ZNF521: variants seen among roughly 807,000 people sequenced by gnomAD.
ZNF521 encodes the protein zinc finger protein 521.
In ZNF521, 14 loss-of-function variants were observed where a neutral mutation model predicts 105.5. The ratio of observed to expected loss-of-function variants is 0.13; its 90% CI spans 0.09 to 0.21. The LOEUF is 0.21. ZNF521 is among the 10% of genes least tolerant of loss of function. The probability of loss-of-function intolerance (pLI) is 1.00; values close to 1 mark genes in which losing one functional copy is unlikely to be tolerated. For missense variants in ZNF521, 1,233 were observed against 1,629.7 expected, an observed-to-expected ratio of 0.76 and a Z score of 4.19; for synonymous variants, 635 against 606.0, an observed-to-expected ratio of 1.05 and a Z score of -0.70.
At position 25,234,281 on chromosome 18, in the gene ZNF521, T is replaced by C. The variant is rs540706209; in HGVS notation, c.221-6584A>G. 1.6e-3 allele frequency among the ~76,000 whole-genome samples: 241 copies of C among 152,328 alleles called. 1 individual carries two copies. Among genetic ancestry groups the C allele is most frequent in the African/African-American group, 5.6e-3 (233 of 41,572 alleles). ...TAAACCGTTTAACATGTTGATCTTT[T>C]CTTGAATAATGACAGACGTCACCAG... is the stretch of plus-strand genomic sequence containing the variant. On this transcript the variant is annotated intron_variant, in intron 3 of 7. Coordinates refer to ENST00000361524, the MANE Select transcript of ZNF521 (RefSeq NM_015461.3).
intron 5 of ZNF521, among the ~76,000 whole-genome samples, chr18:25,108,788 C>G (rs2034125122): frequency 6.6e-6 from 1 of 151,974 alleles, no homozygotes; most frequent in African/African-American, 2.4e-5. Flanking sequence ...CCATGCCCAG[C>G]TAATTTTTAT....
chr18:25,247,099 T>C (rs1273408229), intron 3 of ZNF521, among the ~76,000 whole-genome samples: 2 of 152,210 alleles, frequency 1.3e-5, no homozygotes, highest in African/African-American at 4.8e-5. Context: ...GACCCATTTA[T>C]GGATGAGACC....
At chr18:25,234,239 C>G (rs779285623) in intron 3 of ZNF521, among the ~76,000 whole-genome samples, 11 of 152,114 alleles carry the variant, frequency 7.2e-5, no homozygotes, top group African/African-American at 1.2e-4. Context: ...TTTACAGTGC[C>G]GTGACTGAGG....
intron 2 of ZNF521, among the ~76,000 whole-genome samples, chr18:25,347,817 A>G (rs1914527834): frequency 6.6e-6 from 1 of 152,216 alleles, no homozygotes; most frequent in Admixed American, 6.5e-5. Flanking sequence ...CCTTAGGTAA[A>G]TGACTTTCCT....
At chr18:25,223,507 G>A (rs567879690) in intron 4 of ZNF521, among the ~76,000 whole-genome samples, 3 of 152,060 alleles carry the variant, frequency 2.0e-5, no homozygotes, top group African/African-American at 7.3e-5. Flanking sequence ...CCAGATAGGG[G>A]CAGGTAGGGA....
intron 7 of ZNF521, among the ~76,000 whole-genome samples, chr18:25,070,600 C>T (rs2033194506): frequency 1.3e-5 from 2 of 152,184 alleles, no homozygotes; most frequent in African/African-American, 4.8e-5. Flanking sequence ...CCAACCTCAG[C>T]ACTACTGACA....
intron 2 of ZNF521, among the ~76,000 whole-genome samples, chr18:25,331,984 G>T (rs1424026041): frequency 2.1e-5 from 3 of 146,132 alleles, no homozygotes; most frequent in African/African-American, 7.6e-5. Flanking sequence ...TCTAAAGTTT[G>T]CCAAAATTAA....
chr18:25,212,565 A>ATG lies in ZNF521; in HGVS notation c.3573+11778_3573+11779dup, dbSNP rs1555647942. ...TATATATATATATATATATATATAT[A>ATG]TGTATAGAAACATATATTTTAAAAC... On this transcript the variant is annotated intron_variant, in intron 4 of 7. Coordinates refer to ENST00000361524, the MANE Select transcript of ZNF521 (RefSeq NM_015461.3). Among the ~76,000 whole-genome samples, 126 of 112,872 alleles carry ATG rather than the reference A, an allele frequency of 1.1e-3. 5 individuals are homozygous for ATG. Among genetic ancestry groups the ATG allele is most frequent in the East Asian group, 8.5e-3 (31 of 3,638 alleles). 74.0% of individuals were successfully genotyped at this position (112,872 alleles called of 152,430 possible).
intron 3 of ZNF521, among the ~76,000 whole-genome samples, chr18:25,312,014 TC>T (rs1912336459): frequency 6.6e-6 from 1 of 152,186 alleles, no homozygotes; most frequent in Non-Finnish European, 1.5e-5. Flanking sequence ...ATTTTCTATT[TC>T]TAGGAGATTA....
intron 5 of ZNF521, among the ~76,000 whole-genome samples, chr18:25,193,499 G>A (rs1391516593): frequency 6.6e-6 from 1 of 151,970 alleles, no homozygotes; most frequent in African/African-American, 2.4e-5. Context: ...ATCTAAAAGT[G>A]CAGCATGAGG....
chr18:25,168,566 A>T (rs1206915828), intron 5 of ZNF521, among the ~76,000 whole-genome samples: 1 of 152,170 alleles, frequency 6.6e-6, no homozygotes, highest in African/African-American at 2.4e-5. Context: ...CAAAACCTTG[A>T]TTTTAAATAT....
Position 25,117,074 on chromosome 18 carries a change from C to T in ZNF521, c.3659-24993G>A, listed in dbSNP as rs1428439437. On this transcript the variant is annotated intron_variant, in intron 5 of 7. Coordinates refer to ENST00000361524, the MANE Select transcript of ZNF521 (RefSeq NM_015461.3). ...ATATATACACACACACACACACACA[C>T]ACACACACATACACACATCCTTAAT... Among the ~76,000 whole-genome samples the T allele has an allele frequency of 1.5e-3, 25 of 16,854 alleles. No individual in the cohort carries two copies. The South Asian group carries it at 0.021, about 14-fold the overall frequency. The allele number at this position is 16,854 out of a possible 152,430, so 11.1% of individuals were successfully genotyped here. A position where few individuals can be genotyped will look rare whatever the true frequency, so the allele number is the denominator to read the frequency against.
chr18:25,124,261 C>T (rs919300296), intron 5 of ZNF521, among the ~76,000 whole-genome samples: 32 of 152,198 alleles, frequency 2.1e-4, no homozygotes, highest in African/African-American at 7.5e-4. Flanking sequence ...TGAAGAGATA[C>T]AGGATGAGGA....
chr18:25,154,716 A>T (rs184236513), intron 5 of ZNF521, among the ~76,000 whole-genome samples: 2 of 152,330 alleles, frequency 1.3e-5, no homozygotes, highest in African/African-American at 4.8e-5. Flanking sequence ...TGATAAACTC[A>T]GAGAAGGGTG....
chr18:25,270,079 A>C (rs1333117490), intron 3 of ZNF521, among the ~76,000 whole-genome samples: 1 of 152,220 alleles, frequency 6.6e-6, no homozygotes, highest in Non-Finnish European at 1.5e-5. Flanking sequence ...AAATTGACAC[A>C]ATAAAAAACG....
chr18:25,066,518 C>A (rs143089200), intron 7 of ZNF521, among the ~76,000 whole-genome samples: 64 of 152,270 alleles, frequency 4.2e-4, no homozygotes, highest in Non-Finnish European at 7.6e-4. Context: ...AGTCTCTGGT[C>A]TCGACTAAAG....
At chr18:25,069,967 G>C (rs1489718653) in intron 7 of ZNF521, among the ~76,000 whole-genome samples, 2 of 152,096 alleles carry the variant, frequency 1.3e-5, no homozygotes, top group Non-Finnish European at 2.9e-5. Flanking sequence ...TCATCACCAT[G>C]AACTTACAGA....
intron 5 of ZNF521, among the ~76,000 whole-genome samples, chr18:25,184,819 C>T (rs922332729): frequency 2.0e-5 from 3 of 152,172 alleles, no homozygotes; most frequent in Admixed American, 2.0e-4. Flanking sequence ...GACACAGGTA[C>T]TAAAATTATG....
At chr18:25,294,279 T>A (rs1007567749) in intron 3 of ZNF521, among the ~76,000 whole-genome samples, 1 of 152,200 alleles carries the variant, frequency 6.6e-6, no homozygotes, top group African/African-American at 2.4e-5. Context: ...TTTCTGCTGA[T>A]CCGCTGGTCA....
Sources: gnomAD v4.1 joint callset for allele counts (sites outside exome capture counted in the v4.1 genomes callset) on GRCh38, gnomAD v4.1.1 for gene constraint, MANE v1.5 for transcripts, NCBI Gene and HGNC (gene_info 2026-07-23, HGNC 2026-07-21) for gene names.